The following GRIK3 variants were observed in gnomAD, a reference collection of about 807,000 sequenced individuals.
The protein encoded by GRIK3 is glutamate receptor ionotropic, kainate 3.
In GRIK3, 29 loss-of-function variants were observed where a neutral mutation model predicts 102.5. The ratio of observed to expected loss-of-function variants is 0.28; its 90% CI spans 0.21 to 0.39. GRIK3 has a LOEUF of 0.39. GRIK3 is among the 10% of genes least tolerant of loss of function. GRIK3 has a pLI of 1.00. For missense variants in GRIK3, 908 were observed against 1,252.4 expected (o/e 0.73, Z 4.15); for synonymous variants, 511 against 504.9 (o/e 1.01, Z -0.16).
intron 13 of GRIK3, among the ~76,000 whole-genome samples, chr1:36,813,448 G>A (rs567721714): frequency 1.7e-4 from 26 of 152,208 alleles, no homozygotes; most frequent in Admixed American, 3.9e-4. Context: ...TACTCTCATG[G>A]TCAGGGGAAG....
At chr1:36,982,932 C>A (rs1435316343) in intron 1 of GRIK3, among the ~76,000 whole-genome samples, 2 of 152,176 alleles carry the variant, frequency 1.3e-5, no homozygotes, top group African/African-American at 4.8e-5. Context: ...TCCCCAGAAC[C>A]CGATCATCTC....
intron 1 of GRIK3, among the ~76,000 whole-genome samples, chr1:37,030,731 C>T (rs528967425): frequency 1.3e-5 from 2 of 152,194 alleles, no homozygotes; most frequent in East Asian, 1.9e-4. Context: ...GCCCTCAATC[C>T]TACATATGCC....
chr1:36,862,692 G>A (rs1003369595), intron 5 of GRIK3, among the ~76,000 whole-genome samples: 5 of 152,298 alleles, frequency 3.3e-5, no homozygotes, highest in Admixed American at 6.5e-5. Flanking sequence ...GGCCAGACAT[G>A]GGCCAGACCA....
chr1:36,951,154 C>T (rs1194862302), intron 1 of GRIK3, among the ~76,000 whole-genome samples: 2 of 152,224 alleles, frequency 1.3e-5, no homozygotes, highest in Non-Finnish European at 2.9e-5. Context: ...GTGTCACCTG[C>T]TGCAGAAGCT....
intron 1 of GRIK3, 75 bp from the exon 2 acceptor site, chr1:36,891,171 A>G: frequency 8.8e-7 from 1 of 1,139,952 alleles, no homozygotes; most frequent in Non-Finnish European, 1.3e-6. Flanking sequence ...GGCTCAAAAG[A>G]TTTTATAGAC....
intron 1 of GRIK3, among the ~76,000 whole-genome samples, chr1:37,020,689 G>A (rs1412576142): frequency 2.0e-5 from 3 of 152,064 alleles, no homozygotes; most frequent in East Asian, 3.8e-4. Context: ...TTTACCATGC[G>A]TTATTCTATT....
intron 1 of GRIK3, among the ~76,000 whole-genome samples, chr1:36,950,549 A>G (rs1293945550): frequency 2.0e-5 from 3 of 152,228 alleles, no homozygotes; most frequent in Non-Finnish European, 4.4e-5. Flanking sequence ...ATGAAGCTGG[A>G]ATGGCCTTTG....
intron 3 of GRIK3, among the ~76,000 whole-genome samples, chr1:36,879,678 G>A (rs1640944514): frequency 6.6e-6 from 1 of 152,294 alleles, no homozygotes; most frequent in African/African-American, 2.4e-5. Context: ...AGCCCAGGCT[G>A]GACTTGGAAG....
In GRIK3 at chr1:36,878,357, G is replaced by A. The variant is rs1044940799; in HGVS notation, c.550+2277C>T. The stretch of plus-strand genomic sequence containing the variant: ...TCCCTGCTCTCAAGGATCTTCTGTC[G>A]GGTGCTTTGGAAATAGCAGGAACTC... On this transcript the variant is annotated intron_variant, in intron 3 of 15. Transcript: ENST00000373091. Among the ~76,000 whole-genome samples the A allele has an allele frequency of 1.2e-4, 19 of 152,188 alleles. 1 individual carries two copies. Among genetic ancestry groups the A allele is most frequent in the Admixed American group, 3.9e-4 (6 of 15,282 alleles).
Position 36,841,902 on chromosome 1 carries a change from G to A in GRIK3, c.1364C>T (p.Thr455Met), listed in dbSNP as rs376333303. ...PFVMFRKSDRTLYGNDRFEGY... is the reference protein window; with the variant it reads ...PFVMFRKSDRMLYGNDRFEGY... Reference sequence around the variant, plus strand: ...CTCGAACCGGTCATTCCCGTATAGCGTCCTGTCTGATTTCCGAAACATGAC... The same window carrying A: ...CTCGAACCGGTCATTCCCGTATAGCATCCTGTCTGATTTCCGAAACATGAC... Residue 455 changes from threonine (T) to methionine (M), a missense_variant, in exon 10 of 16, where the codon ACG becomes ATG. Thr to Met is a moderately conservative substitution (Grantham distance 81). Transcript: ENST00000373091. 89 of 1,614,198 alleles carry A rather than the reference G, an allele frequency of 5.5e-5. No homozygotes were observed. Among genetic ancestry groups the A allele is most frequent in the Middle Eastern group, 1.6e-4 (1 of 6,062 alleles).
At chr1:36,875,103 AC>A (rs1234554830) in intron 3 of GRIK3, among the ~76,000 whole-genome samples, 3 of 152,262 alleles carry the variant, frequency 2.0e-5, no homozygotes, top group African/African-American at 7.2e-5. Context: ...GGCATATAGA[AC>A]AAGGATTTTC....
intron 1 of GRIK3, among the ~76,000 whole-genome samples, chr1:36,978,143 G>A (rs1342639073): frequency 1.3e-5 from 2 of 152,274 alleles, no homozygotes; most frequent in Non-Finnish European, 2.9e-5. Context: ...CACCCTCGAT[G>A]TAACCTTCAC....
In GRIK3 at chr1:36,825,713, A is replaced by G; in HGVS notation, c.1644T>C (p.Asn548=). 1 of 1,613,996 alleles carries G rather than the reference A, an allele frequency of 6.2e-7. No homozygotes were observed. Residue 548 remains asparagine (N), a synonymous_variant, in exon 11 of 16, where the codon AAT becomes AAC. Coordinates refer to ENST00000373091, the MANE Select transcript of GRIK3 (RefSeq NM_000831.4). The part of the protein sequence containing the change: ...LGVSILYRKP[N]GTNPSVFSFL... The stretch of plus-strand genomic sequence containing the variant: ...AGGAGAAGACGCTGGGGTTGGTGCC[A>G]TTGGGCTTTCGATACAGGATGCTCA...
At chr1:36,972,070 G>T (rs984217515) in intron 1 of GRIK3, among the ~76,000 whole-genome samples, 1 of 152,230 alleles carries the variant, frequency 6.6e-6, no homozygotes, top group African/African-American at 2.4e-5. Context: ...GGCTTGAGGA[G>T]GCACTGGCAA....
chr1:36,802,771 G>A (rs984072559), intron 15 of GRIK3, among the ~76,000 whole-genome samples: 3 of 152,184 alleles, frequency 2.0e-5, no homozygotes, highest in Admixed American at 2.0e-4. Context: ...CTTACCTAGT[G>A]AGGCCAGGGC....
intron 1 of GRIK3, among the ~76,000 whole-genome samples, chr1:36,923,841 A>G (rs1229079870): frequency 6.6e-6 from 1 of 152,058 alleles, no homozygotes; most frequent in East Asian, 1.9e-4. Flanking sequence ...CTCAAGTCCC[A>G]AAGGCACTCT....
intron 1 of GRIK3, among the ~76,000 whole-genome samples, chr1:36,945,900 A>G (rs1479852113): frequency 6.6e-6 from 1 of 152,174 alleles, no homozygotes; most frequent in East Asian, 1.9e-4. Flanking sequence ...CTGCAGATGA[A>G]GCCCTGTTGT....
intron 3 of GRIK3, among the ~76,000 whole-genome samples, chr1:36,873,684 A>C (rs1640870090): frequency 6.6e-6 from 1 of 151,842 alleles, no homozygotes; most frequent in South Asian, 2.1e-4. Context: ...TTTGGGGAAA[A>C]ACTTCTCCCC....
intron 1 of GRIK3, among the ~76,000 whole-genome samples, chr1:36,965,070 T>C (rs540589806): frequency 2.6e-5 from 4 of 152,322 alleles, no homozygotes; most frequent in East Asian, 1.9e-4. Flanking sequence ...GGAAGGCGTG[T>C]GGTACCTGAA....
Sources: allele counts gnomAD v4.1 joint callset (sites outside exome capture counted in the v4.1 genomes callset), GRCh38; gene constraint gnomAD v4.1.1; transcripts MANE v1.5; gene names NCBI Gene and HGNC (gene_info 2026-07-23, HGNC 2026-07-21).